Variants in TENM2 observed in about 807,000 individuals in gnomAD.
TENM2 encodes the protein teneurin transmembrane protein 2.
TENM2 carries 52 observed loss-of-function variants against 245.2 expected under a neutral mutation model. The observed-to-expected ratio is 0.21, with a 90% CI of 0.17 to 0.27. The LOEUF is 0.27. Among genes scored for constraint, TENM2 ranks in the 10% least tolerant of loss-of-function variants. The pLI, the probability that TENM2 is intolerant of heterozygous loss-of-function variation, is 1.00. For missense variants in TENM2, 3,046 were observed against 3,666.8 expected (o/e 0.83, Z 4.37); for synonymous variants, 1,363 against 1,438.9 (o/e 0.95, Z 1.19).
intron 2 of TENM2, among the ~76,000 whole-genome samples, chr5:167,557,552 A>G (rs149639030): frequency 6.6e-6 from 1 of 152,354 alleles, no homozygotes; most frequent in Non-Finnish European, 1.5e-5. Context: ...GCTTGGAAGC[A>G]TGCCAAGCAT....
the TENM2 span, among the ~76,000 whole-genome samples, chr5:167,270,923 G>C: frequency 6.6e-6 from 1 of 152,102 alleles, no homozygotes; most frequent in Non-Finnish European, 1.5e-5. Flanking sequence ...TGTGTTGCAG[G>C]ATGGTTCAAT....
intron 1 of TENM2, among the ~76,000 whole-genome samples, chr5:167,313,463 C>T (rs911336450): frequency 2.0e-5 from 3 of 152,104 alleles, no homozygotes; most frequent in Admixed American, 1.3e-4. Context: ...TTTGTGAAAC[C>T]CTGTTTCTAC....
At chr5:167,746,931 T>A (rs1582900630) in intron 2 of TENM2, among the ~76,000 whole-genome samples, 1 of 152,170 alleles carries the variant, frequency 6.6e-6, no homozygotes, top group East Asian at 1.9e-4. Flanking sequence ...AAACACCTAG[T>A]TGCAGACATA....
chr5:167,178,368 G>C, the TENM2 span, among the ~76,000 whole-genome samples: 1 of 152,202 alleles, frequency 6.6e-6, no homozygotes, highest in Non-Finnish European at 1.5e-5. Flanking sequence ...AAAGCATCCA[G>C]ATTTTCTCTG....
chr5:168,161,310 G>A (rs1757720806), intron 12 of TENM2, among the ~76,000 whole-genome samples: 3 of 152,256 alleles, frequency 2.0e-5, no homozygotes, highest in Admixed American at 6.5e-5. Context: ...CAGAGATGGT[G>A]GCAGAGGTAG....
chr5:167,965,847 T>C (rs367629916), intron 4 of TENM2, among the ~76,000 whole-genome samples: 42 of 152,248 alleles, frequency 2.8e-4, no homozygotes, highest in Non-Finnish European at 4.7e-4. Flanking sequence ...TGAACCTGGG[T>C]TGACCTGACT....
chr5:168,094,348 G>A (rs966558631), intron 8 of TENM2, among the ~76,000 whole-genome samples: 6 of 152,132 alleles, frequency 3.9e-5, no homozygotes, highest in Middle Eastern at 3.4e-3. Context: ...CTGCTTGATC[G>A]CCAAAGATGT....
At chr5:168,011,167 A>G (rs1785191735) in intron 5 of TENM2, among the ~76,000 whole-genome samples, 1 of 152,214 alleles carries the variant, frequency 6.6e-6, no homozygotes, top group Non-Finnish European at 1.5e-5. Flanking sequence ...TAAGATGTGC[A>G]AAGTTATTTC....
intron 2 of TENM2, among the ~76,000 whole-genome samples, chr5:167,424,289 T>A (rs1763684849): frequency 6.6e-6 from 1 of 152,040 alleles, no homozygotes; most frequent in African/African-American, 2.4e-5. Flanking sequence ...GTACTTTAAA[T>A]GAGTTAGATA....
At chr5:167,464,125 A>C (rs1276219158) in intron 2 of TENM2, among the ~76,000 whole-genome samples, 11 of 152,216 alleles carry the variant, frequency 7.2e-5, no homozygotes, top group Admixed American at 6.5e-5. Context: ...TGATTGTGTC[A>C]GATTTAATTG....
At position 168,070,793 on chromosome 5, in the gene TENM2, AAGAG is replaced by A. The variant is rs201553774; in HGVS notation, c.1515+8552_1515+8555del. Among the ~76,000 whole-genome samples the A allele has an allele frequency of 1.9e-3, 168 of 89,396 alleles. 1 individual carries two copies. Among genetic ancestry groups the A allele is most frequent in the East Asian group, 5.4e-3 (20 of 3,692 alleles). 58.6% of individuals were successfully genotyped at this position (89,396 alleles called of 152,430 possible). A position where few individuals can be genotyped will look rare whatever the true frequency, so the allele number is the denominator to read the frequency against. The stretch of plus-strand genomic sequence containing the variant: ...AGTGAGATCCTGTCAGAAAGAAAGA[AAGAG>A]AGAGAGAGAGAGAGAGAGAGAGAAA... On this transcript the variant is annotated intron_variant, in intron 7 of 28. Coordinates refer to ENST00000518659, the Ensembl canonical transcript of TENM2.
intron 2 of TENM2, among the ~76,000 whole-genome samples, chr5:167,706,217 TA>T (rs998864675): frequency 6.8e-6 from 1 of 146,096 alleles, no homozygotes; most frequent in Non-Finnish European, 1.5e-5. Flanking sequence ...ATATAGTATG[TA>T]AAAATATATT....
the TENM2 span, among the ~76,000 whole-genome samples, chr5:167,233,696 C>T: frequency 6.6e-6 from 1 of 151,946 alleles, no homozygotes; most frequent in Non-Finnish European, 1.5e-5. Flanking sequence ...TTCATTTTTC[C>T]CCTAAGTATA....
intron 2 of TENM2, among the ~76,000 whole-genome samples, chr5:167,714,128 C>T (rs1759095032): frequency 6.6e-6 from 1 of 152,262 alleles, no homozygotes; most frequent in Non-Finnish European, 1.5e-5. Context: ...GAATTGAGCA[C>T]TTCACAAAGC....
the TENM2 span, among the ~76,000 whole-genome samples, chr5:167,205,661 C>T: frequency 6.6e-6 from 1 of 152,148 alleles, no homozygotes; most frequent in Admixed American, 6.5e-5. Flanking sequence ...TGCTAACAGA[C>T]AACAACGTCT....
chr5:168,165,569 G>C (rs1352963208), intron 13 of TENM2, among the ~76,000 whole-genome samples: 2 of 137,638 alleles, frequency 1.5e-5, no homozygotes, highest in Non-Finnish European at 3.1e-5. Flanking sequence ...AAATCCTGAA[G>C]TGATGGAGCT....
intron 2 of TENM2, among the ~76,000 whole-genome samples, chr5:167,700,947 C>CT (rs1456947520): frequency 1.5e-5 from 1 of 65,670 alleles, no homozygotes; most frequent in African/African-American, 5.9e-5. Context: ...TGTTATATTT[C>CT]TTAAAAAAAA....
At chr5:167,016,098 C>G in the TENM2 span, among the ~76,000 whole-genome samples, 1 of 151,666 alleles carries the variant, frequency 6.6e-6, no homozygotes, top group African/African-American at 2.4e-5. Flanking sequence ...ACTAAAAATA[C>G]AAAAAATTAG....
chr5:168,125,029 A>T, exon 11 of TENM2: 1 of 1,608,494 alleles, frequency 6.2e-7, no homozygotes, highest in Non-Finnish European at 8.5e-7. Context: ...TCCCAACTGG[A>T]TGGGTCCCGA....
Sources: allele counts gnomAD v4.1 joint callset (sites outside exome capture counted in the v4.1 genomes callset), GRCh38; gene constraint gnomAD v4.1.1; transcripts MANE v1.5; gene names NCBI Gene and HGNC (gene_info 2026-07-23, HGNC 2026-07-21).